Variants in GUCY1A2 observed in about 807,000 individuals in gnomAD.
GUCY1A2 encodes the protein guanylate cyclase 1 soluble subunit alpha 2, also known as guanylate cyclase soluble subunit alpha-2.
Under a neutral mutation model 63.5 loss-of-function variants are expected in GUCY1A2, and 27 were observed. The observed-to-expected ratio is 0.43, with a 90% CI of 0.31 to 0.59. The LOEUF (loss-of-function observed/expected upper bound fraction) is 0.59, where lower values mean the gene tolerates loss of function less well. Among genes scored for constraint, GUCY1A2 ranks in the 20% least tolerant of loss-of-function variants. The pLI is 0.11. For missense variants in GUCY1A2, 768 were observed against 913.3 expected, an observed-to-expected ratio of 0.84 and a Z score of 2.05; for synonymous variants, 364 against 343.5, an observed-to-expected ratio of 1.06 and a Z score of -0.66.
intron 6 of GUCY1A2, among the ~76,000 whole-genome samples, chr11:106,746,107 G>A (rs1863782500): frequency 6.6e-6 from 1 of 152,066 alleles, no homozygotes; most frequent in African/African-American, 2.4e-5. Context: ...AGCCATGAAT[G>A]AAAGCCACTG....
intron 4 of GUCY1A2, among the ~76,000 whole-genome samples, chr11:106,879,077 T>C (rs2135469990): frequency 6.6e-6 from 1 of 152,182 alleles, no homozygotes; most frequent in East Asian, 1.9e-4. Context: ...TTGTAATGGA[T>C]ATGTCCTATA....
At chr11:106,897,489 A>G (rs1032454723) in intron 4 of GUCY1A2, among the ~76,000 whole-genome samples, 1 of 152,098 alleles carries the variant, frequency 6.6e-6, no homozygotes, top group Non-Finnish European at 1.5e-5. Context: ...GGTATTTGCA[A>G]AAGAATAGAC....
intron 4 of GUCY1A2, among the ~76,000 whole-genome samples, chr11:106,840,020 TATAA>T (rs1173503539): frequency 6.6e-6 from 1 of 151,960 alleles, no homozygotes; most frequent in Non-Finnish European, 1.5e-5. Flanking sequence ...TACATATATA[TATAA>T]ATGTCTACTG....
rs1415080194 is a variant in GUCY1A2 at position 106,684,367 on chromosome 11, G to T, written c.*3182C>A. 1.0e-5 allele frequency: 2 copies of T among 191,010 alleles called. No homozygotes were observed. Among genetic ancestry groups the T allele is most frequent in the African/African-American group, 4.7e-5 (2 of 42,966 alleles). The allele number at this position is 191,010 out of a possible 1,614,324, so 11.8% of individuals were successfully genotyped here. ...CAATTGGGTCCCATGTTACCTGGAA[G>T]CTATGTCTTCTTCCCCTTCTCTACG... On this transcript the variant is annotated 3_prime_UTR_variant, in exon 8 of 8. Transcript: ENST00000526355.
intron 1 of GUCY1A2, among the ~76,000 whole-genome samples, chr11:107,012,861 T>C (rs181136317): frequency 6.6e-5 from 10 of 152,316 alleles, no homozygotes; most frequent in Admixed American, 2.6e-4. Flanking sequence ...CTACCTAAAT[T>C]TGTCCAATAG....
intron 6 of GUCY1A2, among the ~76,000 whole-genome samples, chr11:106,747,630 C>T (rs1307283889): frequency 6.6e-6 from 1 of 152,194 alleles, no homozygotes; most frequent in Non-Finnish European, 1.5e-5. Context: ...TTATCCACCC[C>T]TTTTGGGGTT....
chr11:106,951,256 CA>C (rs1860904277), intron 3 of GUCY1A2, among the ~76,000 whole-genome samples: 1 of 152,174 alleles, frequency 6.6e-6, no homozygotes, highest in Non-Finnish European at 1.5e-5. Context: ...GGTATATACC[CA>C]GTAATGGGGT....
chr11:106,853,356 G>GT (rs1157038025), intron 4 of GUCY1A2, among the ~76,000 whole-genome samples: 5 of 151,400 alleles, frequency 3.3e-5, no homozygotes, highest in Non-Finnish European at 5.9e-5. Flanking sequence ...AATTTTTTTG[G>GT]TTTTTTGTTT....
At chr11:106,997,021 C>T (rs555244403) in intron 1 of GUCY1A2, among the ~76,000 whole-genome samples, 2 of 152,080 alleles carry the variant, frequency 1.3e-5, no homozygotes, top group Non-Finnish European at 2.9e-5. Flanking sequence ...AAAATTCATG[C>T]AGGCAGAAGA....
intron 4 of GUCY1A2, among the ~76,000 whole-genome samples, chr11:106,874,045 AAT>A (rs1859716315): frequency 6.6e-6 from 1 of 152,276 alleles, no homozygotes. Context: ...TTTATTATAG[AAT>A]ATTTTAGTAG....
chr11:106,812,347 T>G (rs1858772930), intron 4 of GUCY1A2, among the ~76,000 whole-genome samples: 1 of 151,880 alleles, frequency 6.6e-6, no homozygotes, highest in South Asian at 2.1e-4. Flanking sequence ...CTTCTCCATC[T>G]TGATTTCTTC....
chr11:106,929,154 T>G (rs1860568421), intron 4 of GUCY1A2, among the ~76,000 whole-genome samples: 1 of 152,214 alleles, frequency 6.6e-6, no homozygotes, highest in African/African-American at 2.4e-5. Context: ...TGTTTACTAT[T>G]TTAGCATTTC....
chr11:106,729,883 ATCT>A (rs1357248233), intron 6 of GUCY1A2, among the ~76,000 whole-genome samples: 1 of 151,242 alleles, frequency 6.6e-6, no homozygotes, highest in Non-Finnish European at 1.5e-5. Flanking sequence ...CTTGATTGTA[ATCT>A]TCTTGTGTCT....
At chr11:106,940,233 T>C in intron 3 of GUCY1A2, 55 bp from the exon 4 acceptor site, 1 of 816,300 alleles carries the variant, frequency 1.2e-6, no homozygotes, top group South Asian at 1.7e-5. Context: ...TAATTGAATT[T>C]ATAGCTTTTT....
chr11:106,866,133 A>G (rs1859589148), intron 4 of GUCY1A2, among the ~76,000 whole-genome samples: 2 of 152,044 alleles, frequency 1.3e-5, no homozygotes, highest in South Asian at 4.1e-4. Flanking sequence ...TAGATCAGGA[A>G]CATCTAGGAG....
intron 4 of GUCY1A2, among the ~76,000 whole-genome samples, chr11:106,937,012 A>G (rs1165713936): frequency 6.6e-6 from 1 of 152,070 alleles, no homozygotes; most frequent in Non-Finnish European, 1.5e-5. Flanking sequence ...TAAACTGTAA[A>G]TGTGAAATTT....
intron 4 of GUCY1A2, among the ~76,000 whole-genome samples, chr11:106,905,826 C>A (rs1200970700): frequency 6.6e-6 from 1 of 152,124 alleles, no homozygotes; most frequent in Non-Finnish European, 1.5e-5. Flanking sequence ...CTATGTTTTG[C>A]ATGTATGTAC....
chr11:106,683,964 A>C lies in GUCY1A2; in HGVS notation c.*3585T>G, dbSNP rs2135329785. The C allele has an allele frequency of 5.0e-6, 1 of 199,030 alleles. No homozygotes were observed. Among genetic ancestry groups the C allele is most frequent in the East Asian group, 7.8e-5 (1 of 12,868 alleles). The allele number at this position is 199,030 out of a possible 1,614,324, so 12.3% of individuals were successfully genotyped here. ...ATGGCTTTGCCTTTTGTTATCTATC[A>C]ATTTAATTTTGCTTTATTGCTGGAA... is the stretch of plus-strand genomic sequence containing the variant. On this transcript the variant is annotated 3_prime_UTR_variant, in exon 8 of 8. Coordinates refer to ENST00000526355, the MANE Select transcript of GUCY1A2 (RefSeq NM_000855.3).
chr11:106,890,496 AT>A (rs1263020845), intron 4 of GUCY1A2, among the ~76,000 whole-genome samples: 1 of 152,190 alleles, frequency 6.6e-6, no homozygotes, highest in Admixed American at 6.5e-5. Flanking sequence ...GTAAATGGCC[AT>A]TGCTACATGC....
Sources: gnomAD v4.1 joint callset for allele counts (sites outside exome capture counted in the v4.1 genomes callset) on GRCh38, gnomAD v4.1.1 for gene constraint, MANE v1.5 for transcripts, NCBI Gene and HGNC (gene_info 2026-07-23, HGNC 2026-07-21) for gene names.